Variants in NSUN6 observed in about 807,000 individuals in gnomAD.
The protein encoded by NSUN6 is NOP2/Sun RNA methyltransferase 6, also known as tRNA (cytosine(72)-C(5))-methyltransferase NSUN6.
A neutral mutation model predicts 58.0 loss-of-function variants in NSUN6; 64 were observed. That is an observed-to-expected ratio of 1.10 (90% CI 0.90 to 1.36). The LOEUF (loss-of-function observed/expected upper bound fraction) is 1.36. Among genes scored for constraint, NSUN6 ranks in the 40% most tolerant of loss-of-function variants. The pLI, the probability that NSUN6 is intolerant of heterozygous loss-of-function variation, is 0.00. For synonymous variants in NSUN6, 231 were observed against 193.9 expected, an observed-to-expected ratio of 1.19 and a Z score of -1.59; for missense variants, 701 against 550.1, an observed-to-expected ratio of 1.27 and a Z score of -2.74.
intron 6 of NSUN6, among the ~76,000 whole-genome samples, chr10:18,606,760 AT>A (rs1351079759): frequency 1.3e-5 from 2 of 152,206 alleles, no homozygotes; most frequent in Admixed American, 6.5e-5. Context: ...TAGAAAAAAA[AT>A]CTTTATTAAA....
At chr10:18,573,104 C>T (rs148393583) in intron 8 of NSUN6, among the ~76,000 whole-genome samples, 2 of 150,012 alleles carry the variant, frequency 1.3e-5, no homozygotes, top group East Asian at 2.0e-4. Context: ...TTCCATCCTC[C>T]GTTACACTCC....
upstream of NSUN6, chr10:18,655,289 T>A (rs868724354): frequency 3.2e-4 from 69 of 216,824 alleles, 1 homozygote; most frequent in African/African-American, 1.6e-3. Context: ...GGTGTCAAGC[T>A]ACTAGGGTGC....
At chr10:18,587,506 C>G (rs1258626985) in intron 7 of NSUN6, among the ~76,000 whole-genome samples, 1 of 152,110 alleles carries the variant, frequency 6.6e-6, no homozygotes, top group Non-Finnish European at 1.5e-5. Context: ...GCCAAGAGAG[C>G]TGAATAGAAA....
intron 8 of NSUN6, among the ~76,000 whole-genome samples, chr10:18,579,416 C>T (rs1564751347): frequency 6.6e-6 from 1 of 151,342 alleles, no homozygotes; most frequent in Non-Finnish European, 1.5e-5. Context: ...GTGATCCACC[C>T]GCCTCAGCCT....
chr10:18,632,780 A>T (rs2059080363), intron 3 of NSUN6, among the ~76,000 whole-genome samples: 2 of 152,188 alleles, frequency 1.3e-5, no homozygotes, highest in Non-Finnish European at 2.9e-5. Flanking sequence ...GGATGTGGAG[A>T]AATAGGAACA....
chr10:18,569,861 TTCCATTCCATTC>T (rs909324007), intron 8 of NSUN6, among the ~76,000 whole-genome samples: 3 of 150,276 alleles, frequency 2.0e-5, no homozygotes, highest in Admixed American at 6.7e-5. Flanking sequence ...CCATTCCGCA[TTCCATTCCATTC>T]TCCATTCCAT....
rs144094101 is a variant in NSUN6 at position 18,638,139 on chromosome 10, A to G, written c.311+4337T>C. ...AAAGAATAAAGAAGAGGTGTTTAAC[A>G]TAATAAGAAATGGCAAAAGTTGGCC... On this transcript the variant is annotated intron_variant, in intron 3 of 10. Coordinates refer to ENST00000377304, the MANE Select transcript of NSUN6 (RefSeq NM_182543.5). Among the ~76,000 whole-genome samples, 198 of 152,298 alleles carry G rather than the reference A, an allele frequency of 1.3e-3. 5 individuals are homozygous for G. The East Asian group carries it at 0.035, about 27-fold the overall frequency.
rs937777100 is a variant in NSUN6 at position 18,602,530 on chromosome 10, G to A, written c.658-6203C>T. Among the ~76,000 whole-genome samples, 4 of 151,202 alleles carry A rather than the reference G, an allele frequency of 2.6e-5. No individual in the cohort carries two copies. The East Asian group carries it at 6.0e-4, about 23-fold the overall frequency. On this transcript the variant is annotated intron_variant, in intron 6 of 10. Transcript: ENST00000377304. ...ATTACAGGCGTAACCCACCGCACCCGGCCTAATTTTTGTATTTTTAGTAGA... is the reference window on the plus strand; with the variant it reads ...ATTACAGGCGTAACCCACCGCACCCAGCCTAATTTTTGTATTTTTAGTAGA...
chr10:18,643,072 G>A (rs959790925), intron 2 of NSUN6, among the ~76,000 whole-genome samples: 3 of 151,686 alleles, frequency 2.0e-5, no homozygotes, highest in African/African-American at 2.4e-5. Context: ...GTACAGGTGC[G>A]GGAGCCAGCT....
intron 1 of NSUN6, among the ~76,000 whole-genome samples, chr10:18,649,200 T>C (rs1590204028): frequency 6.6e-6 from 1 of 152,230 alleles, no homozygotes; most frequent in East Asian, 1.9e-4. Flanking sequence ...ATATATATTA[T>C]CCAAAAAAGA....
chr10:18,553,150 C>T (rs1406501522), intron 8 of NSUN6, among the ~76,000 whole-genome samples: 1 of 150,456 alleles, frequency 6.6e-6, no homozygotes, highest in African/African-American at 2.4e-5. Flanking sequence ...TCTCCCTTCC[C>T]TTCCATTCCA....
chr10:18,590,084 C>CAA (rs1028510911), intron 7 of NSUN6, among the ~76,000 whole-genome samples: 2 of 148,508 alleles, frequency 1.3e-5, no homozygotes, highest in African/African-American at 4.9e-5. Flanking sequence ...CAATGGAAAG[C>CAA]AAAAAAAAAG....
At chr10:18,653,245 T>C, upstream of NSUN6, 4 of 984,108 alleles carry the variant, frequency 4.1e-6, no homozygotes, top group Non-Finnish European at 4.8e-6. Flanking sequence ...GGCACTCAAA[T>C]ACTTACTGAA....
intron 5 of NSUN6, among the ~76,000 whole-genome samples, chr10:18,611,833 G>T (rs1361501498): frequency 6.6e-6 from 1 of 152,042 alleles, no homozygotes; most frequent in Non-Finnish European, 1.5e-5. Context: ...AGCTTCCGGA[G>T]TTCCTGGAAT....
upstream of NSUN6, among the ~76,000 whole-genome samples, chr10:18,656,474 T>A (rs1433826092): frequency 6.6e-6 from 1 of 152,028 alleles, no homozygotes; most frequent in Admixed American, 6.6e-5. Context: ...GAGGCAGAGG[T>A]TGCAGTGAGC....
chr10:18,620,951 A>T (rs981038104), intron 3 of NSUN6, among the ~76,000 whole-genome samples: 1 of 152,254 alleles, frequency 6.6e-6, no homozygotes, highest in African/African-American at 2.4e-5. Context: ...TCTGGAACAG[A>T]GAACTGTGCA....
At chr10:18,582,296 G>T (rs565425258) in intron 8 of NSUN6, among the ~76,000 whole-genome samples, 25 of 152,260 alleles carry the variant, frequency 1.6e-4, no homozygotes, top group Middle Eastern at 3.4e-3. Context: ...TGACATTCCC[G>T]GTTGTGGAGG....
At chr10:18,564,966 T>C (rs1258503095) in intron 8 of NSUN6, among the ~76,000 whole-genome samples, 1 of 150,634 alleles carries the variant, frequency 6.6e-6, no homozygotes, top group African/African-American at 2.4e-5. Context: ...CTTCATTCCA[T>C]TCCATTCTCC....
At chr10:18,556,462 T>C (rs1432503122) in intron 8 of NSUN6, among the ~76,000 whole-genome samples, 1 of 142,112 alleles carries the variant, frequency 7.0e-6, no homozygotes, top group African/African-American at 2.6e-5. Context: ...TGGGATGAAA[T>C]GGAGAATGGA....
Sources: gnomAD v4.1 joint callset for allele counts (sites outside exome capture counted in the v4.1 genomes callset) on GRCh38, gnomAD v4.1.1 for gene constraint, MANE v1.5 for transcripts, NCBI Gene and HGNC (gene_info 2026-07-23, HGNC 2026-07-21) for gene names.